Variants in EPC2 observed in about 807,000 individuals in gnomAD.
The protein encoded by EPC2 is enhancer of polycomb 2, also known as enhancer of polycomb homolog 2.
In EPC2, 14 loss-of-function variants were observed where a neutral mutation model predicts 92.1. That is an observed-to-expected ratio of 0.15 (90% CI 0.10 to 0.24). EPC2 has a LOEUF of 0.24. Ranked by LOEUF, EPC2 falls within the 10% of genes least tolerant of loss-of-function variation. The pLI, the probability that EPC2 is intolerant of heterozygous loss-of-function variation, is 1.00. For synonymous variants in EPC2, 340 were observed against 334.7 expected, an observed-to-expected ratio of 1.02 and a Z score of -0.17; for missense variants, 755 against 971.5, an observed-to-expected ratio of 0.78 and a Z score of 2.96.
At chr2:148,719,709 A>G (rs1682329935) in intron 2 of EPC2, among the ~76,000 whole-genome samples, 1 of 152,216 alleles carries the variant, frequency 6.6e-6, no homozygotes, top group African/African-American at 2.4e-5. Flanking sequence ...GTTAGGAGGA[A>G]TGGGATCAGG....
chr2:148,746,222 A>T (rs1377560302), intron 3 of EPC2, among the ~76,000 whole-genome samples: 1 of 151,574 alleles, frequency 6.6e-6, no homozygotes, highest in East Asian at 1.9e-4. Context: ...TTTGGCCTTG[A>T]CCTCTTTCTC....
Position 148,770,962 on chromosome 2 carries a change from TTTTG to T in EPC2, c.1376+30_1376+33del, listed in dbSNP as rs755360890. On this transcript the variant is annotated intron_variant, in intron 9 of 13. Transcript: ENST00000258484. ...GGTGAAGTATTTGTTTTCACCTGGT[TTTTG>T]TTTGCTATCTGGAACAGAAGACAAA... 3.1e-5 allele frequency: 50 copies of T among 1,603,102 alleles called. 3 individuals carry two copies. The South Asian group carries it at 5.2e-4, about 17-fold the overall frequency.
rs187754212 is a variant in EPC2, at chr2:148,735,382, C to T, written c.314-8240C>T. On this transcript the variant is annotated intron_variant, in intron 2 of 13. Transcript: ENST00000258484. Reference sequence around the variant, plus strand: ...GGTATTTGTTGATTTAAATTTGCCTCTTATCAATCACAAAAGAGAAGTTAA... The same window carrying T: ...GGTATTTGTTGATTTAAATTTGCCTTTTATCAATCACAAAAGAGAAGTTAA... 5.9e-5 allele frequency among the ~76,000 whole-genome samples: 9 copies of T among 152,072 alleles called. 1 individual carries two copies. The highest frequency in any genetic ancestry group is 3.4e-3 in the Middle Eastern group (1 of 294).
intron 2 of EPC2, among the ~76,000 whole-genome samples, chr2:148,701,441 A>G (rs527806738): frequency 7.9e-5 from 12 of 152,220 alleles, no homozygotes; most frequent in African/African-American, 2.9e-4. Context: ...CTCTATTCTT[A>G]GTTTGCTGAG....
At chr2:148,663,169 C>G (rs935502013) in intron 1 of EPC2, among the ~76,000 whole-genome samples, 1 of 148,892 alleles carries the variant, frequency 6.7e-6, no homozygotes, top group Non-Finnish European at 1.5e-5. Context: ...GGACAGATGC[C>G]TCAAAAGGTA....
chr2:148,759,302 A>C (rs886157914), intron 4 of EPC2, among the ~76,000 whole-genome samples: 9 of 152,288 alleles, frequency 5.9e-5, no homozygotes, highest in African/African-American at 2.2e-4. Flanking sequence ...CATGTTGGCC[A>C]GGCTGGTCTC....
intron 2 of EPC2, among the ~76,000 whole-genome samples, chr2:148,719,073 GT>G (rs982275660): frequency 3.3e-5 from 5 of 151,784 alleles, no homozygotes; most frequent in Non-Finnish European, 7.4e-5. Flanking sequence ...CTCGTGTTGT[GT>G]TTTTTTAACT....
intron 1 of EPC2, among the ~76,000 whole-genome samples, chr2:148,668,505 GTA>G (rs1385567532): frequency 2.6e-5 from 4 of 152,162 alleles, no homozygotes; most frequent in Non-Finnish European, 5.9e-5. Flanking sequence ...AAAAAATTGT[GTA>G]GAGTTGGTAT....
intron 1 of EPC2, among the ~76,000 whole-genome samples, chr2:148,667,640 CCTTT>C (rs1349159228): frequency 6.6e-6 from 1 of 152,054 alleles, no homozygotes; most frequent in Non-Finnish European, 1.5e-5. Flanking sequence ...CTCCCCACTG[CCTTT>C]CTTTTGTCTG....
intron 1 of EPC2, among the ~76,000 whole-genome samples, chr2:148,648,608 T>C (rs1683854142): frequency 6.6e-6 from 1 of 152,204 alleles, no homozygotes; most frequent in Non-Finnish European, 1.5e-5. Context: ...GCAAAATCTT[T>C]TGAAGCCTTC....
intron 2 of EPC2, among the ~76,000 whole-genome samples, chr2:148,709,597 A>C (rs1010007823): frequency 3.3e-5 from 5 of 152,212 alleles, no homozygotes; most frequent in African/African-American, 1.2e-4. Flanking sequence ...TTCAAACTAT[A>C]CTACAAGTCT....
chr2:148,744,990 C>CG (rs1491580908), intron 3 of EPC2, among the ~76,000 whole-genome samples: 1 of 11,258 alleles, frequency 8.9e-5, no homozygotes, highest in Non-Finnish European at 3.5e-4. Flanking sequence ...TATCAGTTTG[C>CG]CCCCCCCCCC....
intron 1 of EPC2, among the ~76,000 whole-genome samples, chr2:148,678,244 A>G (rs34876316): frequency 0.14 from 21,203 of 152,030 alleles, 2,424 homozygotes; most frequent in East Asian, 0.46. Context: ...ACCTTGAGCT[A>G]GATACAGAGT....
intron 2 of EPC2, among the ~76,000 whole-genome samples, chr2:148,718,630 T>C (rs2105389079): frequency 6.6e-6 from 1 of 152,348 alleles, no homozygotes; most frequent in Non-Finnish European, 1.5e-5. Flanking sequence ...GGGCTTCCCC[T>C]TGTAGGTGAC....
At chr2:148,754,260 A>G (rs1683138561) in intron 4 of EPC2, 127 bp downstream of exon 4, 3 of 781,116 alleles carry the variant, frequency 3.8e-6, no homozygotes, top group South Asian at 4.0e-5. Flanking sequence ...TCTATAAGAA[A>G]TCCTACTTTT....
In EPC2 at chr2:148,644,773, A is replaced by G. The variant is rs1341586751; in HGVS notation, c.-245A>G. ...TGTGGTAATGTCCGCCATGTTGGCCATGGCGCAGGGAGCGGATCGGGCGGG... is the reference window on the plus strand; with the variant it reads ...TGTGGTAATGTCCGCCATGTTGGCCGTGGCGCAGGGAGCGGATCGGGCGGG... On this transcript the variant is annotated 5_prime_UTR_variant, in exon 1 of 14. It removes an upstream start codon present in the reference 5' UTR. Transcript: ENST00000258484. 2.5e-6 allele frequency: 1 copy of G among 407,928 alleles called. No individual in the cohort carries two copies. The highest frequency in any genetic ancestry group is 4.4e-6 in the Non-Finnish European group (1 of 228,846). 25.3% of individuals were successfully genotyped at this position (407,928 alleles called of 1,614,324 possible). A position where few individuals can be genotyped will look rare whatever the true frequency, so the allele number is the denominator to read the frequency against.
intron 1 of EPC2, among the ~76,000 whole-genome samples, chr2:148,646,734 G>T (rs547772982): frequency 6.6e-6 from 1 of 152,062 alleles, no homozygotes; most frequent in African/African-American, 2.4e-5. Flanking sequence ...GCTATTTTGT[G>T]GGTCTTGATC....
chr2:148,690,876 C>T (rs756775134), intron 2 of EPC2, among the ~76,000 whole-genome samples: 6 of 152,022 alleles, frequency 3.9e-5, no homozygotes, highest in African/African-American at 1.4e-4. Flanking sequence ...TTGGCCAGGC[C>T]GGTCTCAAAC....
At chr2:148,670,313 A>G (rs1401100042) in intron 1 of EPC2, among the ~76,000 whole-genome samples, 1 of 151,580 alleles carries the variant, frequency 6.6e-6, no homozygotes, top group East Asian at 1.9e-4. Context: ...CATCAGGTGG[A>G]AGGGTGAATT....
Sources: gnomAD v4.1 joint callset for allele counts (sites outside exome capture counted in the v4.1 genomes callset) on GRCh38, gnomAD v4.1.1 for gene constraint, MANE v1.5 for transcripts, NCBI Gene and HGNC (gene_info 2026-07-23, HGNC 2026-07-21) for gene names.